The following MIR2052HG variants were observed in gnomAD, a reference collection of about 807,000 sequenced individuals.
The protein encoded by MIR2052HG is MIR2052 host gene.
At chr8:74,633,631 T>G (rs764876868) in intron 2 of MIR2052HG, among the ~76,000 whole-genome samples, 5 of 152,236 alleles carry the variant, frequency 3.3e-5, no homozygotes, top group African/African-American at 9.6e-5. Flanking sequence ...CTAGGCTCAA[T>G]GTACTACTAG....
chr8:74,742,085 AG>A (rs1255512662), intron 4 of MIR2052HG, among the ~76,000 whole-genome samples: 1 of 152,184 alleles, frequency 6.6e-6, no homozygotes, highest in Non-Finnish European at 1.5e-5. Context: ...CCAAGGGGTG[AG>A]GATCACTGTA....
intron 4 of MIR2052HG, among the ~76,000 whole-genome samples, chr8:74,729,404 C>A (rs269180): frequency 0.65 from 99,024 of 151,984 alleles, 33,926 homozygotes; most frequent in African/African-American, 0.87. Context: ...ACAATAAATA[C>A]ATAACACACT....
intron 2 of MIR2052HG, among the ~76,000 whole-genome samples, chr8:74,621,977 G>A (rs749086514): frequency 1.3e-5 from 2 of 152,166 alleles, no homozygotes; most frequent in Non-Finnish European, 2.9e-5. Flanking sequence ...AAAGCTCTTT[G>A]ACACTGGTCT....
At chr8:74,708,085 G>A (rs769285714) in intron 4 of MIR2052HG, among the ~76,000 whole-genome samples, 8 of 151,988 alleles carry the variant, frequency 5.3e-5, no homozygotes, top group Non-Finnish European at 7.4e-5. Context: ...GAGAGTCTTC[G>A]GCTTTCTCTA....
chr8:74,688,147 A>G (rs1224539561), intron 2 of MIR2052HG, among the ~76,000 whole-genome samples: 1 of 152,184 alleles, frequency 6.6e-6, no homozygotes, highest in Non-Finnish European at 1.5e-5. Context: ...TGTTTATGCA[A>G]TCTTATAACA....
At chr8:74,661,555 G>C (rs1563525756) in intron 2 of MIR2052HG, among the ~76,000 whole-genome samples, 1 of 152,056 alleles carries the variant, frequency 6.6e-6, no homozygotes, top group Non-Finnish European at 1.5e-5. Context: ...AGGGCCACTG[G>C]GCATGGCTGT....
chr8:74,716,068 C>G (rs931621606), intron 4 of MIR2052HG, among the ~76,000 whole-genome samples: 1 of 152,154 alleles, frequency 6.6e-6, no homozygotes, highest in African/African-American at 2.4e-5. Flanking sequence ...GGAAGCAAGA[C>G]CAACAGAGAC....
intron 1 of MIR2052HG, among the ~76,000 whole-genome samples, chr8:74,608,580 C>G (rs933254335): frequency 6.6e-6 from 1 of 151,982 alleles, no homozygotes; most frequent in African/African-American, 2.4e-5. Context: ...CAAGATAGAC[C>G]ATATTCTGAA....
At chr8:74,726,283 T>C (rs781221927) in intron 4 of MIR2052HG, among the ~76,000 whole-genome samples, 4 of 152,168 alleles carry the variant, frequency 2.6e-5, no homozygotes, top group Non-Finnish European at 5.9e-5. Context: ...TAAAAGAGAG[T>C]ACATGCTTTC....
chr8:74,662,190 G>C (rs1312960639), intron 2 of MIR2052HG, among the ~76,000 whole-genome samples: 1 of 152,058 alleles, frequency 6.6e-6, no homozygotes, highest in Non-Finnish European at 1.5e-5. Flanking sequence ...TAATATCAAA[G>C]GCTTTTTCAA....
chr8:74,700,785 A>G (rs1213720888), intron 2 of MIR2052HG, among the ~76,000 whole-genome samples: 1 of 152,096 alleles, frequency 6.6e-6, no homozygotes, highest in African/African-American at 2.4e-5. Context: ...ATTTGTAACC[A>G]ACCCATGACT....
intron 2 of MIR2052HG, among the ~76,000 whole-genome samples, chr8:74,670,080 C>T (rs1808974618): frequency 6.6e-6 from 1 of 152,134 alleles, no homozygotes; most frequent in Non-Finnish European, 1.5e-5. Flanking sequence ...GTCTGCAAGC[C>T]AGAAAGAGAG....
At chr8:74,696,854 G>A (rs1405759114) in intron 2 of MIR2052HG, among the ~76,000 whole-genome samples, 1 of 151,664 alleles carries the variant, frequency 6.6e-6, no homozygotes, top group Non-Finnish European at 1.5e-5. Flanking sequence ...AAAAAGTCCA[G>A]GACCAGATGG....
chr8:74,724,020 A>G (rs975158464), intron 4 of MIR2052HG, among the ~76,000 whole-genome samples: 2 of 152,156 alleles, frequency 1.3e-5, no homozygotes, highest in East Asian at 3.9e-4. Context: ...CAGCAATTAA[A>G]TTTTGATGAA....
chr8:74,630,561 A>G (rs1254367512), intron 2 of MIR2052HG, among the ~76,000 whole-genome samples: 1 of 151,248 alleles, frequency 6.6e-6, no homozygotes, highest in Non-Finnish European at 1.5e-5. Context: ...AGGGCAATCC[A>G]GCTTAAAAAA....
intron 5 of MIR2052HG, chr8:74,758,043 A>C (rs1810023226): frequency 6.6e-6 from 1 of 152,144 alleles, no homozygotes; most frequent in Admixed American, 6.6e-5. Flanking sequence ...CTTTCATATA[A>C]AACTTTTTAT....
chr8:74,624,951 G>A (rs747939563), intron 2 of MIR2052HG, among the ~76,000 whole-genome samples: 1 of 152,180 alleles, frequency 6.6e-6, no homozygotes, highest in Non-Finnish European at 1.5e-5. Flanking sequence ...GAGCACAGAT[G>A]AGTACAGTAA....
At chr8:74,652,307 G>A (rs1031339760) in intron 2 of MIR2052HG, among the ~76,000 whole-genome samples, 4 of 152,128 alleles carry the variant, frequency 2.6e-5, no homozygotes, top group Non-Finnish European at 5.9e-5. Flanking sequence ...ATAAGTGGAC[G>A]TGACACATAA....
intron 4 of MIR2052HG, among the ~76,000 whole-genome samples, chr8:74,748,629 G>C (rs187033582): frequency 1.3e-5 from 2 of 152,264 alleles, no homozygotes; most frequent in East Asian, 3.9e-4. Flanking sequence ...GTCTCATGGA[G>C]CTTATGAACA....
Sources: gnomAD v4.1 joint callset for allele counts (sites outside exome capture counted in the v4.1 genomes callset) on GRCh38, gnomAD v4.1.1 for gene constraint, MANE v1.5 for transcripts, NCBI Gene and HGNC (gene_info 2026-07-23, HGNC 2026-07-21) for gene names.